KAT6A: variants seen among roughly 807,000 people sequenced by gnomAD.
KAT6A encodes histone acetyltransferase KAT6A.
In KAT6A, 9 loss-of-function variants were observed where a neutral mutation model predicts 198.4. The ratio of observed to expected loss-of-function variants is 0.05; its 90% CI spans 0.03 to 0.08. The LOEUF is 0.08. Ranked by LOEUF, KAT6A falls within the 10% of genes least tolerant of loss-of-function variation. The pLI, the probability that KAT6A is intolerant of heterozygous loss-of-function variation, is 1.00. For missense variants in KAT6A, 2,077 were observed against 2,509.9 expected (o/e 0.83, Z 3.69); for synonymous variants, 890 against 883.0 (o/e 1.01, Z -0.14).
At chr8:41,975,263 G>T (rs1258336936) in intron 7 of KAT6A, among the ~76,000 whole-genome samples, 1 of 152,072 alleles carries the variant, frequency 6.6e-6, no homozygotes, top group African/African-American at 2.4e-5. Context: ...CCCTTTTAAA[G>T]TTAAAGCACA....
intron 1 of KAT6A, among the ~76,000 whole-genome samples, chr8:42,050,619 C>G (rs1244652262): frequency 5.9e-5 from 9 of 152,024 alleles, no homozygotes; most frequent in Non-Finnish European, 1.2e-4. Flanking sequence ...AAAAAGAAGC[C>G]CCCTGGGAGA....
intron 1 of KAT6A, among the ~76,000 whole-genome samples, chr8:42,050,087 G>A (rs1329468006): frequency 6.6e-6 from 1 of 152,154 alleles, no homozygotes; most frequent in Non-Finnish European, 1.5e-5. Flanking sequence ...AACTAGAAAT[G>A]AGGAAGGCCC....
intron 3 of KAT6A, 128 bp from the exon 4 acceptor site, chr8:41,982,082 C>A: frequency 1.7e-6 from 1 of 582,790 alleles, no homozygotes; most frequent in East Asian, 3.0e-5. Context: ...AAGCAAGATG[C>A]ACCAGGAAGC....
At chr8:41,986,074 G>C (rs1824586895) in intron 3 of KAT6A, among the ~76,000 whole-genome samples, 1 of 152,120 alleles carries the variant, frequency 6.6e-6, no homozygotes, top group South Asian at 2.1e-4. Flanking sequence ...CTGAGTAGCT[G>C]GGACTACAGG....
At chr8:41,957,761 AG>A (rs1342732936) in intron 8 of KAT6A, 1 of 155,218 alleles carries the variant, frequency 6.4e-6, no homozygotes, top group Non-Finnish European at 1.4e-5. Flanking sequence ...TAGATAATAA[AG>A]CTTTTATTAC....
chr8:41,972,215 T>C (rs1043640989), intron 8 of KAT6A, among the ~76,000 whole-genome samples: 3 of 152,162 alleles, frequency 2.0e-5, no homozygotes, highest in African/African-American at 7.2e-5. Flanking sequence ...AAGAAAAAGC[T>C]TCTCCTTACA....
intron 2 of KAT6A, among the ~76,000 whole-genome samples, chr8:42,013,070 G>GTTT (rs75768574): frequency 1.4e-5 from 2 of 139,910 alleles, no homozygotes; most frequent in Admixed American, 7.2e-5. Flanking sequence ...CAAAAGTCAA[G>GTTT]TTTTTTTTTT....
chr8:41,943,170 G>T (rs1822223435), intron 13 of KAT6A, among the ~76,000 whole-genome samples, 170 bp from the exon 14 acceptor site: 1 of 152,234 alleles, frequency 6.6e-6, no homozygotes, highest in African/African-American at 2.4e-5. Flanking sequence ...GGCCAGGAGT[G>T]TGAAGCAGGA....
chr8:41,949,095 T>C (rs1039446050), intron 10 of KAT6A, 127 bp downstream of exon 10: 6 of 547,316 alleles, frequency 1.1e-5, no homozygotes, highest in Non-Finnish European at 5.8e-6. Context: ...TTTTAAAAAT[T>C]ATAATTAGTA....
chr8:41,992,076 C>G (rs1824975089), intron 2 of KAT6A, among the ~76,000 whole-genome samples: 1 of 151,968 alleles, frequency 6.6e-6, no homozygotes, highest in Non-Finnish European at 1.5e-5. Context: ...TGGTGAGCAC[C>G]TGTAGTCCCA....
rs137974846 is a variant in KAT6A at position 42,050,219 on chromosome 8, T to C, written c.-325-917A>G. 4.6e-5 allele frequency among the ~76,000 whole-genome samples: 7 copies of C among 152,362 alleles called. No individual in the cohort carries two copies. In the East Asian group the frequency reaches 1.4e-3, roughly 29 times the overall value. On this transcript the variant is annotated intron_variant, in intron 1 of 16. Transcript: ENST00000265713. ...AATAAAGATATAAATTCAAGATTGC[T>C]GTCCTGAAACGAACATTAATAAAAC...
intron 2 of KAT6A, among the ~76,000 whole-genome samples, chr8:42,006,446 T>A (rs1268574349): frequency 6.6e-6 from 1 of 152,228 alleles, no homozygotes; most frequent in African/African-American, 2.4e-5. Flanking sequence ...GTATCCCTTA[T>A]CTCTGAAATG....
At chr8:41,989,405 A>G (rs1260930056) in intron 2 of KAT6A, among the ~76,000 whole-genome samples, 1 of 152,070 alleles carries the variant, frequency 6.6e-6, no homozygotes, top group African/African-American at 2.4e-5. Context: ...GCTACTCGGG[A>G]GACTGAAGCA....
chr8:41,969,302 T>G (rs867305024), intron 8 of KAT6A, among the ~76,000 whole-genome samples: 5 of 152,216 alleles, frequency 3.3e-5, no homozygotes, highest in South Asian at 4.1e-4. Context: ...CTGCACTATA[T>G]TTATGAATCC....
chr8:41,970,870 C>T (rs1471415060), intron 8 of KAT6A, among the ~76,000 whole-genome samples: 1 of 152,194 alleles, frequency 6.6e-6, no homozygotes, highest in East Asian at 1.9e-4. Flanking sequence ...GGCACATATA[C>T]ACCAGGGAAT....
chr8:41,952,649 T>C (rs560470165), intron 9 of KAT6A, among the ~76,000 whole-genome samples: 1 of 152,304 alleles, frequency 6.6e-6, no homozygotes, highest in East Asian at 1.9e-4. Context: ...TATTGCCCTG[T>C]TTTTGTACGT....
intron 12 of KAT6A, among the ~76,000 whole-genome samples, chr8:41,944,275 A>G (rs1281131694): frequency 6.6e-6 from 1 of 152,206 alleles, no homozygotes; most frequent in African/African-American, 2.4e-5. Context: ...GTTTCGTTCA[A>G]CGTCCTGGGG....
chr8:42,011,895 G>GA (rs35104277), intron 2 of KAT6A, among the ~76,000 whole-genome samples: 194 of 114,246 alleles, frequency 1.7e-3, no homozygotes, highest in Middle Eastern at 4.2e-3. Context: ...AAAAGAAGAG[G>GA]AAAAAAAAAA....
chr8:41,936,043 C>T (rs904144650), intron 16 of KAT6A, among the ~76,000 whole-genome samples: 3 of 152,136 alleles, frequency 2.0e-5, no homozygotes, highest in African/African-American at 7.2e-5. Context: ...GGGTGGATCA[C>T]TTGAGGTCAG....
Sources: gnomAD v4.1 joint callset for allele counts (sites outside exome capture counted in the v4.1 genomes callset) on GRCh38, gnomAD v4.1.1 for gene constraint, MANE v1.5 for transcripts, NCBI Gene and HGNC (gene_info 2026-07-23, HGNC 2026-07-21) for gene names.